Variants in DNA2 observed in about 807,000 individuals in gnomAD.
The protein encoded by DNA2 is DNA replication ATP-dependent helicase/nuclease DNA2.
DNA2 carries 101 observed loss-of-function variants against 119.1 expected under a neutral mutation model. The ratio of observed to expected loss-of-function variants is 0.85; its 90% CI spans 0.72 to 1.00. DNA2 has a LOEUF of 1.00. DNA2 is among the 50% of genes least tolerant of loss of function. The pLI is 0.00. For missense variants in DNA2, 1,121 were observed against 1,255.5 expected (o/e 0.89, Z 1.62); for synonymous variants, 366 against 424.4 (o/e 0.86, Z 1.69).
chr10:68,466,692 C>T (rs2052331032), intron 3 of DNA2, among the ~76,000 whole-genome samples: 1 of 151,858 alleles, frequency 6.6e-6, no homozygotes, highest in Admixed American at 6.6e-5. Flanking sequence ...CATTCTCCTG[C>T]CTCAGCCTCC....
At chr10:68,471,715 G>A (rs1449897368) in intron 1 of DNA2, 76 bp downstream of exon 1, 5 of 1,467,724 alleles carry the variant, frequency 3.4e-6, no homozygotes, top group Non-Finnish European at 4.5e-6. Context: ...GTCTGAGGCG[G>A]TGCGGACGCA....
upstream of DNA2, chr10:68,472,006 G>T: frequency 6.2e-7 from 1 of 1,610,078 alleles, no homozygotes; most frequent in Non-Finnish European, 8.5e-7. Context: ...AATGACCTGC[G>T]CCAGGCCGCC....
chr10:68,470,099 A>G lies in DNA2; in HGVS notation c.139T>C (p.Tyr47His), dbSNP rs1467339653. Residue 47 changes from tyrosine to histidine, a missense_variant, in exon 2 of 21, where the codon TAC becomes CAC. Transcript: ENST00000358410. ...TVLSTGMDNRYLVLAVNTVQN... is the reference protein window; with the variant it reads ...TVLSTGMDNRHLVLAVNTVQN... ...ACAGTATTGACTGCCAACACCAGGT[A>G]CCGGTTATCCATTCCTGTGCTCAGA... The G allele has an allele frequency of 6.8e-6, 11 of 1,613,534 alleles. No homozygotes were observed. The highest frequency in any genetic ancestry group is 9.3e-6 in the Non-Finnish European group (11 of 1,179,824).
At chr10:68,463,576 C>T (rs1050837762) in intron 4 of DNA2, among the ~76,000 whole-genome samples, 1 of 149,370 alleles carries the variant, frequency 6.7e-6, no homozygotes, top group Non-Finnish European at 1.5e-5. Context: ...GAGGGTGAGG[C>T]AGGAGAATGG....
chr10:68,455,997 C>A (rs1317696244), intron 5 of DNA2, among the ~76,000 whole-genome samples: 2 of 152,056 alleles, frequency 1.3e-5, no homozygotes, highest in Non-Finnish European at 2.9e-5. Context: ...GCAGGAGGAT[C>A]ATTTGAGTCC....
At chr10:68,424,915 T>C (rs1370787977) in intron 14 of DNA2, 5 of 707,324 alleles carry the variant, frequency 7.1e-6, no homozygotes, top group Admixed American at 1.9e-5. Flanking sequence ...AAAAAAATTA[T>C]TGAACACAAA....
At position 68,414,948 on chromosome 10, in the gene DNA2, C is replaced by T; in HGVS notation, c.*91G>A. Reference sequence around the variant, plus strand: ...CCTGTGCTTTAAAACATAAATACTGCATTAAATTTTGTATGGTGATAGAAT... The same window carrying T: ...CCTGTGCTTTAAAACATAAATACTGTATTAAATTTTGTATGGTGATAGAAT... On this transcript the variant is annotated 3_prime_UTR_variant, in exon 21 of 21. Coordinates refer to ENST00000358410, the MANE Select transcript of DNA2 (RefSeq NM_001080449.3). 1.3e-6 allele frequency: 1 copy of T among 780,726 alleles called. No individual in the cohort carries two copies. Among genetic ancestry groups the T allele is most frequent in the Middle Eastern group, 2.4e-4 (1 of 4,234 alleles). The allele number at this position is 780,726 out of a possible 1,614,324, so 48.4% of individuals were successfully genotyped here. A position where few individuals can be genotyped will look rare whatever the true frequency, so the allele number is the denominator to read the frequency against.
rs572967974 is a variant in DNA2, at chr10:68,420,279, C to T, written c.2698-387G>A. Among the ~76,000 whole-genome samples the T allele has an allele frequency of 2.6e-5, 4 of 152,332 alleles. No individual in the cohort carries two copies. The South Asian group carries it at 8.3e-4, about 32-fold the overall frequency. The stretch of plus-strand genomic sequence containing the variant: ...GGTGGCCGGGCGCGGTGGCTCACGC[C>T]TGTAATCCCAGCACTTTGGGAGGCT... On this transcript the variant is annotated intron_variant, in intron 17 of 20. Transcript: ENST00000358410.
chr10:68,436,769 T>C, intron 10 of DNA2: 2 of 348,962 alleles, frequency 5.7e-6, no homozygotes, highest in Non-Finnish European at 1.0e-5. Flanking sequence ...AGCAGGTTAG[T>C]GGTTGCCACG....
At chr10:68,466,724 G>T (rs1381030073) in intron 3 of DNA2, among the ~76,000 whole-genome samples, 2 of 151,718 alleles carry the variant, frequency 1.3e-5, no homozygotes, top group Non-Finnish European at 2.9e-5. Flanking sequence ...GACTACAGGC[G>T]CCCGCCACCA....
chr10:68,472,039 C>G (rs2052389615), upstream of DNA2: 6 of 1,604,496 alleles, frequency 3.7e-6, no homozygotes, highest in Non-Finnish European at 5.1e-6. Context: ...GCGCGTTCCA[C>G]GTGGGGCCCC....
chr10:68,418,509 G>A (rs2051621797), intron 19 of DNA2, among the ~76,000 whole-genome samples: 1 of 148,960 alleles, frequency 6.7e-6, no homozygotes, highest in Non-Finnish European at 1.5e-5. Context: ...TACATCTGCA[G>A]AACGTGCAGT....
chr10:68,443,852 G>A (rs2052002141), intron 8 of DNA2, among the ~76,000 whole-genome samples: 1 of 152,112 alleles, frequency 6.6e-6, no homozygotes, highest in Non-Finnish European at 1.5e-5. Flanking sequence ...TCGAGAGGCT[G>A]AGGCAGGAGA....
intron 5 of DNA2, among the ~76,000 whole-genome samples, chr10:68,451,542 C>CT (rs1193316941): frequency 6.6e-6 from 1 of 152,050 alleles, no homozygotes; most frequent in Non-Finnish European, 1.5e-5. Context: ...ATATTTTACA[C>CT]TTTTAGATTC....
Position 68,471,779 on chromosome 10 carries a change from C to T in DNA2, c.74+12G>A, listed in dbSNP as rs762289354. ...CCGCTTTGTTCCCACACCCTCCCCC[C>T]TCTCCGCTCACAGCTCCGCCGGCAG... On this transcript the variant is annotated intron_variant, in intron 1 of 20. Coordinates refer to ENST00000358410, the MANE Select transcript of DNA2 (RefSeq NM_001080449.3). 20 of 1,590,850 alleles carry T rather than the reference C, an allele frequency of 1.3e-5. No individual in the cohort carries two copies. The highest frequency in any genetic ancestry group is 2.3e-5 in the South Asian group (2 of 87,824).
At chr10:68,425,065 T>A (rs182560554) in intron 14 of DNA2, 1 of 401,484 alleles carries the variant, frequency 2.5e-6, no homozygotes, top group East Asian at 5.9e-5. Context: ...TTTGGAACTT[T>A]TCAGAATGTC....
intron 17 of DNA2, among the ~76,000 whole-genome samples, chr10:68,420,700 T>A (rs1369987050): frequency 1.7e-5 from 2 of 118,686 alleles, no homozygotes; most frequent in Non-Finnish European, 3.5e-5. Flanking sequence ...GCAATCTTGA[T>A]TTTTTTTTTT....
At position 68,430,476 on chromosome 10, in the gene DNA2, A is replaced by C; in HGVS notation, c.2168T>G (p.Ile723Ser). 6.2e-7 allele frequency: 1 copy of C among 1,610,734 alleles called. No individual in the cohort carries two copies. The highest frequency in any genetic ancestry group is 8.5e-7 in the Non-Finnish European group (1 of 1,178,352). Residue 723 changes from isoleucine to serine, a missense_variant, in exon 14 of 21, where the codon ATT becomes AGT. Ile to Ser is a moderately radical substitution (Grantham distance 142). Transcript: ENST00000358410. ...TEQEICRSKSIKSLALLEELY... is the reference protein window; with the variant it reads ...TEQEICRSKSSKSLALLEELY... ...TTCTTCTAGAAGAGCTAAGGATTTA[A>C]TGGACTTTGATCTGCAAATTTCTTG...
intron 6 of DNA2, among the ~76,000 whole-genome samples, chr10:68,448,948 T>C (rs1014526041): frequency 2.2e-5 from 3 of 138,988 alleles, no homozygotes; most frequent in Admixed American, 7.1e-5. Context: ...TGTGTGTGTG[T>C]GTGTGTGTGT....
Sources: gnomAD v4.1 joint callset for allele counts (sites outside exome capture counted in the v4.1 genomes callset) on GRCh38, gnomAD v4.1.1 for gene constraint, MANE v1.5 for transcripts, NCBI Gene and HGNC (gene_info 2026-07-23, HGNC 2026-07-21) for gene names.